The following ABCB5 variants were observed in gnomAD, a reference collection of about 807,000 sequenced individuals.
ABCB5 encodes ATP-binding cassette sub-family B member 5.
Under a neutral mutation model 144.2 loss-of-function variants are expected in ABCB5, and 155 were observed. The ratio of observed to expected loss-of-function variants is 1.08; its 90% CI spans 0.94 to 1.23. The LOEUF is 1.23. ABCB5 is among the 50% of genes most tolerant of loss of function. The pLI, the probability that ABCB5 is intolerant of heterozygous loss-of-function variation, is 0.00. For synonymous variants in ABCB5, 610 were observed against 528.6 expected, an observed-to-expected ratio of 1.15 and a Z score of -2.11; for missense variants, 1,830 against 1,520.8, an observed-to-expected ratio of 1.20 and a Z score of -3.38.
intron 23 of ABCB5, among the ~76,000 whole-genome samples, chr7:20,730,725 G>A (rs1376046912): frequency 2.0e-5 from 3 of 152,176 alleles, no homozygotes; most frequent in East Asian, 1.9e-4. Flanking sequence ...ACCAGCCCCC[G>A]TGAGCCAGTT....
chr7:20,721,812 G>C (rs539497357), intron 20 of ABCB5, among the ~76,000 whole-genome samples: 1 of 152,196 alleles, frequency 6.6e-6, no homozygotes, highest in South Asian at 2.1e-4. Context: ...CATTTTTGAA[G>C]GTGATTTAGA....
Position 20,655,085 on chromosome 7 carries a change from AAGAG to A in ABCB5, c.1537-3409_1537-3406del, listed in dbSNP as rs144922459. 1.9e-3 allele frequency among the ~76,000 whole-genome samples: 227 copies of A among 118,424 alleles called. 1 individual carries two copies. The highest frequency in any genetic ancestry group is 7.7e-3 in the African/African-American group (215 of 27,788). 77.7% of individuals were successfully genotyped at this position (118,424 alleles called of 152,430 possible). A position where few individuals can be genotyped will look rare whatever the true frequency, so the allele number is the denominator to read the frequency against. On this transcript the variant is annotated intron_variant, in intron 13 of 27. Coordinates refer to ENST00000404938, the MANE Select transcript of ABCB5 (RefSeq NM_001163941.2). ...AGTATAACTGTAGCAAAGCTGAAAAAAGAGAGAGAGAGAGAAAAGAGATGGCCAG... is the reference window on the plus strand; with the variant it reads ...AGTATAACTGTAGCAAAGCTGAAAAAAGAGAGAGAGAAAAGAGATGGCCAG...
intron 20 of ABCB5, among the ~76,000 whole-genome samples, chr7:20,720,762 G>A (rs1454705140): frequency 1.3e-5 from 2 of 151,700 alleles, no homozygotes; most frequent in Admixed American, 6.6e-5. Context: ...TGGCTAACAC[G>A]GTGAAACCCC....
At chr7:20,720,216 T>A (rs923861952) in intron 20 of ABCB5, among the ~76,000 whole-genome samples, 6 of 152,136 alleles carry the variant, frequency 3.9e-5, no homozygotes, top group Admixed American at 3.3e-4. Context: ...GGACTTCCAC[T>A]GGCTACATCT....
At chr7:20,667,846 C>A (rs370062232) in intron 14 of ABCB5, among the ~76,000 whole-genome samples, 1 of 142,804 alleles carries the variant, frequency 7.0e-6, no homozygotes, top group Non-Finnish European at 1.6e-5. Flanking sequence ...CTCAGCCTGC[C>A]GAGTGCCTGC....
chr7:20,658,968 T>C, intron 14 of ABCB5: 1 of 1,358,446 alleles, frequency 7.4e-7, no homozygotes, highest in Non-Finnish European at 1.1e-6. Context: ...CTCCCTAGAG[T>C]GGCCCACCAC....
chr7:20,667,701 G>A (rs1785246599), intron 14 of ABCB5: 1 of 143,846 alleles, frequency 7.0e-6, no homozygotes, highest in Non-Finnish European at 1.4e-5. Flanking sequence ...CCCTGCCCCT[G>A]CCCCTGCCCC....
chr7:20,738,214 T>C (rs568457179), intron 23 of ABCB5, among the ~76,000 whole-genome samples: 3 of 152,212 alleles, frequency 2.0e-5, no homozygotes, highest in African/African-American at 2.4e-5. Flanking sequence ...GTTACTAAGA[T>C]GCATTGTTTT....
At position 20,710,874 on chromosome 7, in the gene ABCB5, G is replaced by A. The variant is rs1292275983; in HGVS notation, c.2421+6067G>A. On this transcript the variant is annotated intron_variant, in intron 20 of 27. Coordinates refer to ENST00000404938, the MANE Select transcript of ABCB5 (RefSeq NM_001163941.2). ...TTTCCTATTTTTCTGCCTTCTTTTG[G>A]ATTAAAATTTTTTAGTATTCTATTT... is the stretch of plus-strand genomic sequence containing the variant. Among the ~76,000 whole-genome samples the A allele has an allele frequency of 6.0e-5, 9 of 149,638 alleles. 1 individual carries two copies. Among genetic ancestry groups the A allele is most frequent in the Non-Finnish European group, 1.3e-4 (9 of 67,330 alleles).
intron 1 of ABCB5, among the ~76,000 whole-genome samples, chr7:20,618,764 CT>C (rs59970398): frequency 0.02 from 1,047 of 51,512 alleles, 3 homozygotes; most frequent in African/African-American, 0.06. Flanking sequence ...GCTGCATTTT[CT>C]TTTTTTTTTT....
intron 14 of ABCB5, 68 bp downstream of exon 14, chr7:20,658,744 T>C (rs1360609536): frequency 6.5e-7 from 1 of 1,544,224 alleles, no homozygotes; most frequent in Non-Finnish European, 8.8e-7. Context: ...TACAAGAAAG[T>C]ATAGATCTGT....
At chr7:20,700,009 A>C (rs11762180) in intron 18 of ABCB5, 49 bp from the exon 19 acceptor site, 343,044 of 1,599,762 alleles carry the variant, frequency 0.21, 38,782 homozygotes, top group Admixed American at 0.25. Context: ...TATATCAACT[A>C]AATGTTACAA....
chr7:20,675,918 G>T (rs1562556304), intron 14 of ABCB5, among the ~76,000 whole-genome samples: 2 of 151,994 alleles, frequency 1.3e-5, no homozygotes, highest in African/African-American at 2.4e-5. Context: ...TACGTGAAAA[G>T]ATTCTTGACA....
intron 14 of ABCB5, among the ~76,000 whole-genome samples, chr7:20,668,376 CCT>C (rs1256227388): frequency 3.4e-5 from 5 of 148,368 alleles, no homozygotes; most frequent in Non-Finnish European, 6.0e-5. Flanking sequence ...GCCCCGCCGC[CCT>C]GTCTGGGATG....
intron 5 of ABCB5, among the ~76,000 whole-genome samples, chr7:20,639,591 G>A (rs531727423): frequency 6.6e-6 from 1 of 152,098 alleles, no homozygotes; most frequent in Non-Finnish European, 1.5e-5. Context: ...AGAACCATTT[G>A]TTGAAAAAAC....
rs1338498044 is a variant in ABCB5, at chr7:20,742,969, T to C, written c.3117T>C (p.Ser1039=). The change falls in exon 25 of 28, where the codon AGT becomes AGC. Residue 1039 remains serine, a synonymous_variant. Coordinates refer to ENST00000404938, the MANE Select transcript of ABCB5 (RefSeq NM_001163941.2). ...DVFILRGLSL[S]IERGKTVAFV... Reference sequence around the variant, plus strand: ...TCATCCTCCGTGGCTTATCCCTCAGTATTGAGCGAGGAAAGACAGTAGCAT... The same window carrying C: ...TCATCCTCCGTGGCTTATCCCTCAGCATTGAGCGAGGAAAGACAGTAGCAT... The C allele has an allele frequency of 3.1e-6, 5 of 1,614,090 alleles. No homozygotes were observed. Among genetic ancestry groups the C allele is most frequent in the Middle Eastern group, 1.6e-4 (1 of 6,062 alleles).
chr7:20,661,534 C>CTCTT (rs1406657803), intron 14 of ABCB5, among the ~76,000 whole-genome samples: 8 of 132,382 alleles, frequency 6.0e-5, no homozygotes, highest in Non-Finnish European at 4.7e-5. Context: ...TCTTTCTTTT[C>CTCTT]TTTTTCTTTT....
chr7:20,754,507 T>C (rs752273099), intron 27 of ABCB5, among the ~76,000 whole-genome samples: 1 of 152,214 alleles, frequency 6.6e-6, no homozygotes, highest in Non-Finnish European at 1.5e-5. Context: ...GAGATATCCA[T>C]CTTGGGAACA....
rs1313071446 is a variant in ABCB5 at position 20,650,069 on chromosome 7, C to A, written c.1254C>A (p.Ala418=). The A allele has an allele frequency of 6.2e-7, 1 of 1,613,586 alleles. No individual in the cohort carries two copies. The highest frequency in any genetic ancestry group is 8.5e-7 in the Non-Finnish European group (1 of 1,179,676). ...GAATTAAGTCTGGAGAGACAGTCGCCTTGGTCGGTCTCAATGGCAGTGGGA... is the reference window on the plus strand; with the variant it reads ...GAATTAAGTCTGGAGAGACAGTCGCATTGGTCGGTCTCAATGGCAGTGGGA... ...NLRIKSGETV[A]LVGLNGSGKS... Residue 418 remains alanine, a synonymous_variant, in exon 12 of 28, where the codon GCC becomes GCA. Coordinates refer to ENST00000404938, the MANE Select transcript of ABCB5 (RefSeq NM_001163941.2).
Sources: gnomAD v4.1 joint callset for allele counts (sites outside exome capture counted in the v4.1 genomes callset) on GRCh38, gnomAD v4.1.1 for gene constraint, MANE v1.5 for transcripts, NCBI Gene and HGNC (gene_info 2026-07-23, HGNC 2026-07-21) for gene names.